GREM2: variants seen among roughly 807,000 people sequenced by gnomAD.
GREM2 encodes the protein gremlin 2, DAN family BMP antagonist.
In GREM2, 11 loss-of-function variants were observed where a neutral mutation model predicts 14.2. That is an observed-to-expected ratio of 0.78 (90% confidence interval 0.49 to 1.28). GREM2 has a LOEUF of 1.28. Among genes scored for constraint, GREM2 ranks in the 50% most tolerant of loss-of-function variants. The probability of loss-of-function intolerance (pLI) is 0.00; values close to 1 mark genes in which losing one functional copy is unlikely to be tolerated. For missense variants in GREM2, 210 were observed against 218.5 expected, an observed-to-expected ratio of 0.96 and a Z score of 0.24; for synonymous variants, 98 against 97.6, an observed-to-expected ratio of 1.00 and a Z score of -0.02.
chr1:240,581,604 A>G (rs1380062603), intron 1 of GREM2, among the ~76,000 whole-genome samples: 1 of 152,244 alleles, frequency 6.6e-6, no homozygotes, highest in Non-Finnish European at 1.5e-5. Flanking sequence ...AATAATTTCT[A>G]TCAAAAGTAA....
At chr1:240,607,979 A>T (rs1278490391) in intron 1 of GREM2, among the ~76,000 whole-genome samples, 4 of 152,264 alleles carry the variant, frequency 2.6e-5, no homozygotes, top group South Asian at 4.1e-4. Context: ...AAAGGACTAT[A>T]CTAGTAAAAG....
intron 1 of GREM2, among the ~76,000 whole-genome samples, chr1:240,552,870 C>T (rs962539808): frequency 3.3e-5 from 5 of 152,188 alleles, no homozygotes; most frequent in African/African-American, 1.2e-4. Flanking sequence ...CTCTTCTTCT[C>T]TTGTGTAGTG....
chr1:240,611,694 A>G (rs977614382), intron 1 of GREM2, among the ~76,000 whole-genome samples, 190 bp downstream of exon 1: 1 of 152,208 alleles, frequency 6.6e-6, no homozygotes, highest in Non-Finnish European at 1.5e-5. Context: ...CAATAGGTGA[A>G]TAAACCTTGT....
chr1:240,531,559 A>G, intron 1 of GREM2: 13 of 817,100 alleles, frequency 1.6e-5, no homozygotes, highest in Non-Finnish European at 1.9e-5. Flanking sequence ...AAAGCTTCCC[A>G]AACAAAGGAA....
At position 240,492,717 on chromosome 1, in the gene GREM2, C is replaced by T. The variant is rs1677286570; in HGVS notation, c.*252G>A. On this transcript the variant is annotated 3_prime_UTR_variant, in exon 2 of 2. Transcript: ENST00000318160. Reference sequence around the variant, plus strand: ...GCGGTGGTGGTTTTCCAGCATTTTCCTTCGGGCCTGATCCACCGCCTGGTT... The same window carrying T: ...GCGGTGGTGGTTTTCCAGCATTTTCTTTCGGGCCTGATCCACCGCCTGGTT... 1 of 306,136 alleles carries T rather than the reference C, an allele frequency of 3.3e-6. No homozygotes were observed. Among genetic ancestry groups the T allele is most frequent in the Non-Finnish European group, 5.9e-6 (1 of 168,738 alleles). The allele number at this position is 306,136 out of a possible 1,614,324, so 19.0% of individuals were successfully genotyped here.
intron 1 of GREM2, among the ~76,000 whole-genome samples, chr1:240,509,693 G>A (rs964422120): frequency 2.0e-5 from 3 of 152,000 alleles, no homozygotes; most frequent in African/African-American, 7.2e-5. Context: ...TGACCTCCCT[G>A]CCCCTTTCTC....
At chr1:240,603,679 T>C (rs1395847258) in intron 1 of GREM2, among the ~76,000 whole-genome samples, 1 of 152,150 alleles carries the variant, frequency 6.6e-6, no homozygotes, top group Non-Finnish European at 1.5e-5. Context: ...TGATGAACCT[T>C]AATGATTCCT....
In GREM2 at chr1:240,542,529, C is replaced by T. The variant is rs189204592; in HGVS notation, c.-1-49053G>A. On this transcript the variant is annotated intron_variant, in intron 1 of 1. Transcript: ENST00000318160. The surrounding 1 kb of genome is among the most constrained non-coding windows in gnomAD (Gnocchi z 4.1). The stretch of plus-strand genomic sequence containing the variant: ...ACTCGGGAGGCTGAGGCAGGAGAAT[C>T]GCTTGAACCCAGGAGGCGGAGGTTG... Among the ~76,000 whole-genome samples the T allele has an allele frequency of 2.7e-4, 41 of 151,700 alleles. No individual in the cohort carries two copies. The highest frequency in any genetic ancestry group is 5.8e-4 in the East Asian group (3 of 5,136).
chr1:240,538,575 A>T (rs1465687822), intron 1 of GREM2, among the ~76,000 whole-genome samples: 2 of 151,878 alleles, frequency 1.3e-5, no homozygotes, highest in African/African-American at 4.8e-5. Context: ...AAAATTAACC[A>T]GGCATGGTGG....
chr1:240,542,785 T>C lies in GREM2; in HGVS notation c.-1-49309A>G, dbSNP rs867924750. 1.8e-4 allele frequency among the ~76,000 whole-genome samples: 27 copies of C among 152,340 alleles called. 1 individual carries two copies. In the Middle Eastern group the frequency reaches 0.02, roughly 115 times the overall value. ...ATCAAGCTTATCTGCAATAAAACTTTGCTATGCTTCTGATTTGAGACAAAG... is the reference window on the plus strand; with the variant it reads ...ATCAAGCTTATCTGCAATAAAACTTCGCTATGCTTCTGATTTGAGACAAAG... On this transcript the variant is annotated intron_variant, in intron 1 of 1. Transcript: ENST00000318160. The surrounding 1 kb of genome is among the most constrained non-coding windows in gnomAD (Gnocchi z 4.1).
intron 1 of GREM2, among the ~76,000 whole-genome samples, chr1:240,554,538 T>C (rs963843240): frequency 6.6e-6 from 1 of 152,160 alleles, no homozygotes; most frequent in Non-Finnish European, 1.5e-5. Flanking sequence ...CCAAACCCAG[T>C]TGAATTTATC....
chr1:240,544,948 A>T (rs1432625174), intron 1 of GREM2, among the ~76,000 whole-genome samples: 1 of 152,228 alleles, frequency 6.6e-6, no homozygotes, highest in African/African-American at 2.4e-5. Flanking sequence ...AAAAAATAAG[A>T]TCAAATGTTA....
At chr1:240,530,626 C>T (rs1209308052) in intron 1 of GREM2, 2 of 152,170 alleles carry the variant, frequency 1.3e-5, no homozygotes, top group African/African-American at 2.4e-5. Flanking sequence ...GTTATCATCA[C>T]TAACCACTCT....
At chr1:240,532,642 TAGATAGATAGATAG>T (rs1245675656) in intron 1 of GREM2, among the ~76,000 whole-genome samples, 1 of 11,210 alleles carries the variant, frequency 8.9e-5, no homozygotes, top group Non-Finnish European at 2.5e-4. Flanking sequence ...GAGATATATA[TAGATAGATAGATAG>T]ATAGATAGAT....
At chr1:240,526,236 C>T (rs922076530) in intron 1 of GREM2, among the ~76,000 whole-genome samples, 6 of 152,260 alleles carry the variant, frequency 3.9e-5, no homozygotes, top group South Asian at 4.1e-4. Flanking sequence ...GCCTCTCTAA[C>T]GTGATTCAGA....
intron 1 of GREM2, among the ~76,000 whole-genome samples, chr1:240,589,548 C>T (rs1679667998): frequency 6.6e-6 from 1 of 152,110 alleles, no homozygotes; most frequent in Non-Finnish European, 1.5e-5. Context: ...CCTTATGTTC[C>T]TTTCCCAGTA....
intron 1 of GREM2, among the ~76,000 whole-genome samples, chr1:240,559,894 G>A (rs914023502): frequency 1.3e-5 from 2 of 152,110 alleles, no homozygotes; most frequent in Non-Finnish European, 2.9e-5. Flanking sequence ...GCCTCGATAT[G>A]TTCAACTCAA....
At chr1:240,585,908 A>G (rs1039819266) in intron 1 of GREM2, among the ~76,000 whole-genome samples, 1 of 151,936 alleles carries the variant, frequency 6.6e-6, no homozygotes, top group Admixed American at 6.6e-5. Flanking sequence ...ATTTAAAAAG[A>G]ACTTGCATCT....
chr1:240,577,363 G>A lies in GREM2; in HGVS notation c.-2+34521C>T, dbSNP rs1296433882. On this transcript the variant is annotated intron_variant, in intron 1 of 1. Transcript: ENST00000318160. ...AAATGGAAAAAAAGGAAATCTTAGT[G>A]TGTTCCTAATTTAGATTCTTCTTTA... Among the ~76,000 whole-genome samples, 3 of 152,148 alleles carry A rather than the reference G, an allele frequency of 2.0e-5. No homozygotes were observed. In the East Asian group the frequency reaches 5.8e-4, roughly 29 times the overall value.
Sources: gnomAD v4.1 joint callset for allele counts (sites outside exome capture counted in the v4.1 genomes callset) on GRCh38, gnomAD v4.1.1 for gene constraint, Gnocchi (gnomAD v3.1) non-coding constraint, MANE v1.5 for transcripts, NCBI Gene and HGNC (gene_info 2026-07-23, HGNC 2026-07-21) for gene names.